Variants in CNBD1 observed in about 807,000 individuals in gnomAD.
CNBD1 encodes the protein cyclic nucleotide-binding domain-containing protein 1.
A neutral mutation model predicts 54.4 loss-of-function variants in CNBD1; 71 were observed. The observed-to-expected ratio is 1.30, with a 90% CI of 1.08 to 1.59. CNBD1 has a LOEUF of 1.59. Among genes scored for constraint, CNBD1 ranks in the 40% most tolerant of loss-of-function variants. CNBD1 has a pLI of 0.00. For synonymous variants in CNBD1, 182 were observed against 170.7 expected (o/e 1.07, Z -0.51); for missense variants, 659 against 518.0 (o/e 1.27, Z -2.64).
chr8:87,053,521 A>C (rs1810353921), intron 4 of CNBD1, among the ~76,000 whole-genome samples: 2 of 152,168 alleles, frequency 1.3e-5, no homozygotes, highest in Admixed American at 1.3e-4. Flanking sequence ...GCATGGAGAA[A>C]AAGACAGAAG....
At chr8:87,070,408 G>A (rs114292488) in intron 4 of CNBD1, among the ~76,000 whole-genome samples, 1,703 of 152,114 alleles carry the variant, frequency 0.011, 36 homozygotes, top group African/African-American at 0.035. Flanking sequence ...TACACGGATT[G>A]TTAATTACAG....
At chr8:86,897,874 C>T (rs1315659867) in intron 2 of CNBD1, among the ~76,000 whole-genome samples, 1 of 152,030 alleles carries the variant, frequency 6.6e-6, no homozygotes. Context: ...TATTTTACCC[C>T]AGAGAAGCAC....
downstream of CNBD1, among the ~76,000 whole-genome samples, chr8:87,386,842 C>A (rs748038833): frequency 2.0e-5 from 3 of 152,120 alleles, no homozygotes; most frequent in African/African-American, 7.2e-5. Context: ...AAAAAATATT[C>A]AGGGCAGCTA....
At chr8:87,385,888 T>G (rs1811173683), downstream of CNBD1, among the ~76,000 whole-genome samples, 1 of 152,028 alleles carries the variant, frequency 6.6e-6, no homozygotes, top group Non-Finnish European at 1.5e-5. Context: ...GACTGACAAC[T>G]CACATGGCCG....
At chr8:86,891,792 G>A (rs1183379988) in intron 2 of CNBD1, among the ~76,000 whole-genome samples, 1 of 151,694 alleles carries the variant, frequency 6.6e-6, no homozygotes, top group African/African-American at 2.4e-5. Context: ...AACTTTTTTG[G>A]TTAAATTCAC....
At chr8:87,290,407 A>T (rs1221561154) in intron 8 of CNBD1, among the ~76,000 whole-genome samples, 1 of 152,148 alleles carries the variant, frequency 6.6e-6, no homozygotes, top group East Asian at 1.9e-4. Flanking sequence ...TTATGCTGCT[A>T]TTGGCAAATA....
chr8:87,363,014 A>C (rs537672646), intron 10 of CNBD1, among the ~76,000 whole-genome samples: 26 of 151,870 alleles, frequency 1.7e-4, no homozygotes, highest in Admixed American at 5.3e-4. Context: ...AGTACGCCCC[A>C]CCCAACAGGC....
intron 5 of CNBD1, among the ~76,000 whole-genome samples, chr8:87,226,371 A>G (rs988941984): frequency 2.7e-5 from 4 of 149,744 alleles, no homozygotes; most frequent in Non-Finnish European, 4.4e-5. Context: ...TTCTCTTGTG[A>G]GCATTTAGTG....
intron 8 of CNBD1, among the ~76,000 whole-genome samples, chr8:87,294,470 C>A (rs1196074059): frequency 6.6e-6 from 1 of 152,118 alleles, no homozygotes; most frequent in Non-Finnish European, 1.5e-5. Flanking sequence ...TCTCACCCAC[C>A]ACCTGCAGCA....
At chr8:87,165,812 T>A (rs2130763716) in intron 4 of CNBD1, among the ~76,000 whole-genome samples, 1 of 152,074 alleles carries the variant, frequency 6.6e-6, no homozygotes, top group South Asian at 2.1e-4. Context: ...TACCACTTGG[T>A]TTTTATTTAT....
intron 1 of CNBD1, among the ~76,000 whole-genome samples, chr8:86,879,055 G>T (rs778061507): frequency 7.9e-5 from 12 of 152,092 alleles, no homozygotes; most frequent in Non-Finnish European, 1.2e-4. Flanking sequence ...AAGAAGCAGG[G>T]TGTTTTTAGA....
At chr8:87,428,211 C>A (rs1219138867) in intron 2 of CNBD1, among the ~76,000 whole-genome samples, 1 of 151,940 alleles carries the variant, frequency 6.6e-6, no homozygotes, top group South Asian at 2.1e-4. Context: ...GTGTTTCAGC[C>A]TCTGTCATGG....
chr8:87,380,412 T>A (rs1292117663), intron 10 of CNBD1, among the ~76,000 whole-genome samples: 1 of 151,994 alleles, frequency 6.6e-6, no homozygotes. Context: ...CTGTTTTGAT[T>A]ACTGTAGCTT....
chr8:87,156,226 T>C (rs1426266533), intron 4 of CNBD1, among the ~76,000 whole-genome samples: 2 of 141,308 alleles, frequency 1.4e-5, no homozygotes, highest in Non-Finnish European at 3.0e-5. Context: ...ATATTTATTG[T>C]GTTCATAAAC....
intron 4 of CNBD1, among the ~76,000 whole-genome samples, chr8:87,128,203 G>A (rs1195663007): frequency 2.0e-5 from 3 of 152,246 alleles, no homozygotes; most frequent in South Asian, 2.1e-4. Flanking sequence ...CCTGGAAGCC[G>A]AACAAGTACC....
intron 4 of CNBD1, among the ~76,000 whole-genome samples, chr8:86,996,915 C>A (rs1035998348): frequency 1.6e-4 from 25 of 152,082 alleles, no homozygotes; most frequent in African/African-American, 5.6e-4. Context: ...TAGATGGTAC[C>A]TTTTTGGTTG....
rs113125541 is a variant in CNBD1 at position 87,246,784 on chromosome 8, C to T, written c.771+9672C>T. Among the ~76,000 whole-genome samples the T allele has an allele frequency of 3.6e-4, 54 of 152,100 alleles. 1 individual carries two copies. Among genetic ancestry groups the T allele is most frequent in the African/African-American group, 8.7e-4 (36 of 41,504 alleles). On this transcript the variant is annotated intron_variant, in intron 6 of 10. Transcript: ENST00000518476. ...AGTGTTGTAGAAGACAATTTTTCCA[C>T]GGACTAGGGGTGGGGGATGGTTTTG...
chr8:86,962,601 C>G (rs551557483), intron 4 of CNBD1, among the ~76,000 whole-genome samples: 1 of 151,904 alleles, frequency 6.6e-6, no homozygotes, highest in Non-Finnish European at 1.5e-5. Context: ...CTGGCTAACA[C>G]GGTGAAACAC....
At chr8:87,116,840 A>G (rs577154216) in intron 4 of CNBD1, among the ~76,000 whole-genome samples, 5 of 152,020 alleles carry the variant, frequency 3.3e-5, no homozygotes, top group African/African-American at 1.2e-4. Context: ...ACCTTTCAAC[A>G]TCTCCCACCT....
Sources: gnomAD v4.1 joint callset for allele counts (sites outside exome capture counted in the v4.1 genomes callset) on GRCh38, gnomAD v4.1.1 for gene constraint, MANE v1.5 for transcripts, NCBI Gene and HGNC (gene_info 2026-07-23, HGNC 2026-07-21) for gene names.